TTC7A: variants seen among roughly 807,000 people sequenced by gnomAD.
The protein encoded by TTC7A is tetratricopeptide repeat domain 7A.
Under a neutral mutation model 103.7 loss-of-function variants are expected in TTC7A, and 110 were observed. That is an observed-to-expected ratio of 1.06 (90% CI 0.91 to 1.24). TTC7A has a LOEUF of 1.24. Ranked by LOEUF, TTC7A falls within the 50% of genes most tolerant of loss-of-function variation. The probability of loss-of-function intolerance (pLI) is 0.00; values close to 1 mark genes in which losing one functional copy is unlikely to be tolerated. For synonymous variants in TTC7A, 521 were observed against 467.9 expected (o/e 1.11, Z -1.47); for missense variants, 1,340 against 1,116.3 (o/e 1.20, Z -2.86).
chr2:46,948,168 A>G (rs1671098651), intron 1 of TTC7A, among the ~76,000 whole-genome samples: 1 of 152,164 alleles, frequency 6.6e-6, no homozygotes, highest in Admixed American at 6.5e-5. Flanking sequence ...GGGGGCAACA[A>G]GGCGGGGACC....
intron 18 of TTC7A, among the ~76,000 whole-genome samples, chr2:47,052,546 C>T (rs1462288391): frequency 6.6e-6 from 1 of 152,176 alleles, no homozygotes; most frequent in Non-Finnish European, 1.5e-5. Context: ...CAGCATGGCC[C>T]CACGGACAGC....
At position 46,950,420 on chromosome 2, in the gene TTC7A, A is replaced by T; in HGVS notation, c.242A>T (p.Asn81Ile). ...CTCCTGGAGCAGTGTTTGAAGGAGA[A>T]CCATGCCAAAATAAAAGACTCCATG... ...EALLEQCLKE[N>I]HAKIKDSMPL... Residue 81 changes from asparagine (N) to isoleucine (I), a missense_variant, in exon 2 of 20, where the codon AAC (asparagine) becomes ATC (isoleucine). Transcript: ENST00000319190. 1 of 1,614,190 alleles carries T rather than the reference A, an allele frequency of 6.2e-7. No homozygotes were observed. Among genetic ancestry groups the T allele is most frequent in the Non-Finnish European group, 8.5e-7 (1 of 1,180,040 alleles).
At chr2:47,054,156 G>C in intron 18 of TTC7A, 1 of 985,380 alleles carries the variant, frequency 1.0e-6, no homozygotes, top group Non-Finnish European at 1.2e-6. Flanking sequence ...GCTGCATCAG[G>C]GTCAGGCAGT....
At chr2:47,056,568 G>A (rs1193926768) in intron 18 of TTC7A, among the ~76,000 whole-genome samples, 1 of 152,248 alleles carries the variant, frequency 6.6e-6, no homozygotes, top group Non-Finnish European at 1.5e-5. Flanking sequence ...CGGGGTGGGA[G>A]AGCCTCGGCT....
chr2:47,032,859 CAAAAAAAAAA>C lies in TTC7A; in HGVS notation c.1802+3491_1802+3500del, dbSNP rs10586448. Among the ~76,000 whole-genome samples, 270 of 87,944 alleles carry C rather than the reference CAAAAAAAAAA, an allele frequency of 3.1e-3. 2 individuals carry two copies. Among genetic ancestry groups the C allele is most frequent in the Non-Finnish European group, 4.5e-3 (187 of 41,844 alleles). The allele number at this position is 87,944 out of a possible 152,430, so 57.7% of individuals were successfully genotyped here. ...GAGAATAAATCTCTGTTGTTTTAAG[CAAAAAAAAAA>C]AAAAAAAAAAAAAAATTGTATCTCT... On this transcript the variant is annotated intron_variant, in intron 15 of 19. Transcript: ENST00000319190.
At chr2:46,936,687 G>C (rs577567591), upstream of TTC7A, among the ~76,000 whole-genome samples, 10 of 152,206 alleles carry the variant, frequency 6.6e-5, no homozygotes, top group Admixed American at 3.3e-4. Flanking sequence ...TTTATAGACA[G>C]CATCATCATT....
At position 47,006,009 on chromosome 2, in the gene TTC7A, C is replaced by T; in HGVS notation, c.1153C>T (p.Leu385Phe). 1 of 1,613,872 alleles carries T rather than the reference C, an allele frequency of 6.2e-7. No homozygotes were observed. Among genetic ancestry groups the T allele is most frequent in the South Asian group, 1.1e-5 (1 of 91,054 alleles). ...SLQNAAAIYDLLSITLGRRGQ... is the reference protein window; with the variant it reads ...SLQNAAAIYDFLSITLGRRGQ... ...GCAGAATGCCGCAGCCATCTATGAC[C>T]TCCTGAGCATCACGTTGGGCAGAAG... The change falls in exon 9 of 20, where the codon CTC (leucine) becomes TTC (phenylalanine). Residue 385 changes from leucine to phenylalanine, a missense_variant. Coordinates refer to ENST00000319190, the MANE Select transcript of TTC7A (RefSeq NM_020458.4).
At chr2:47,044,475 C>T (rs1415401678) in intron 15 of TTC7A, among the ~76,000 whole-genome samples, 1 of 152,188 alleles carries the variant, frequency 6.6e-6, no homozygotes, top group African/African-American at 2.4e-5. Context: ...CATTCCTACT[C>T]AGGGCTGTGT....
intron 10 of TTC7A, among the ~76,000 whole-genome samples, chr2:47,008,462 A>C (rs930333790): frequency 1.3e-5 from 2 of 152,222 alleles, no homozygotes; most frequent in Non-Finnish European, 2.9e-5. Context: ...CCATCCCAGC[A>C]TCCAGGGAGC....
At chr2:47,059,009 CTTTTTTTTTTTTTT>C (rs35753980) in intron 18 of TTC7A, among the ~76,000 whole-genome samples, 1 of 44,700 alleles carries the variant, frequency 2.2e-5, no homozygotes. Flanking sequence ...CCTAAGCCTG[CTTTTTTTTTTTTTT>C]TTTTTTTTTT....
chr2:47,012,558 A>T (rs1237151915), intron 11 of TTC7A, among the ~76,000 whole-genome samples: 2 of 152,204 alleles, frequency 1.3e-5, no homozygotes, highest in African/African-American at 4.8e-5. Context: ...CAGGAGCTTC[A>T]TAATTAGCAG....
chr2:46,916,303 G>A, exon 1 of TTC7A: 1 of 458,364 alleles, frequency 2.2e-6, no homozygotes, highest in Non-Finnish European at 2.9e-6. Context: ...AGATTGGCCT[G>A]CTTCCAGCGT....
intron 15 of TTC7A, among the ~76,000 whole-genome samples, chr2:47,035,046 A>G (rs1680958911): frequency 6.6e-6 from 1 of 152,224 alleles, no homozygotes; most frequent in African/African-American, 2.4e-5. Context: ...TTGGAGCTCA[A>G]GGGCACTCCT....
At chr2:46,918,293 T>G (rs1267759868) in intron 2 of TTC7A, among the ~76,000 whole-genome samples, 1 of 152,268 alleles carries the variant, frequency 6.6e-6, no homozygotes, top group Non-Finnish European at 1.5e-5. Context: ...CCTTTACCTT[T>G]AAATCCTTCA....
chr2:46,987,972 G>A (rs1043641656), intron 5 of TTC7A, among the ~76,000 whole-genome samples: 1 of 152,168 alleles, frequency 6.6e-6, no homozygotes, highest in East Asian at 1.9e-4. Flanking sequence ...TGTTCTAGTA[G>A]CCACCTGGTA....
chr2:46,931,480 C>G (rs1669697931), intron 2 of TTC7A, among the ~76,000 whole-genome samples: 1 of 151,916 alleles, frequency 6.6e-6, no homozygotes, highest in Non-Finnish European at 1.5e-5. Context: ...TCCATGAGCC[C>G]AATATAATCA....
At chr2:47,032,099 C>A (rs1258756354) in intron 15 of TTC7A, among the ~76,000 whole-genome samples, 1 of 152,234 alleles carries the variant, frequency 6.6e-6, no homozygotes, top group Non-Finnish European at 1.5e-5. Context: ...TGACTCCTTC[C>A]CCAGGAAGTG....
intron 6 of TTC7A, chr2:46,994,120 A>G (rs1437127710): frequency 5.8e-6 from 3 of 515,610 alleles, no homozygotes; most frequent in Non-Finnish European, 1.0e-5. Flanking sequence ...CTAGGAGAGG[A>G]GAGAAGAGAA....
intron 2 of TTC7A, among the ~76,000 whole-genome samples, chr2:46,918,871 C>T (rs1344389468): frequency 2.0e-5 from 3 of 152,182 alleles, no homozygotes; most frequent in Admixed American, 6.5e-5. Flanking sequence ...AAGAAAGTAA[C>T]GACTAGGTAA....
Sources: allele counts gnomAD v4.1 joint callset (sites outside exome capture counted in the v4.1 genomes callset), GRCh38; gene constraint gnomAD v4.1.1; transcripts MANE v1.5; gene names NCBI Gene and HGNC (gene_info 2026-07-23, HGNC 2026-07-21).